The following ALKBH3 variants were observed in gnomAD, a reference collection of about 807,000 sequenced individuals.
ALKBH3 encodes alpha-ketoglutarate-dependent dioxygenase alkB homolog 3.
In ALKBH3, 51 loss-of-function variants were observed where a neutral mutation model predicts 43.9. The observed-to-expected ratio is 1.16, with a 90% CI of 0.93 to 1.47. ALKBH3 has a LOEUF of 1.47. ALKBH3 is among the 40% of genes most tolerant of loss of function. ALKBH3 has a pLI of 0.00. For synonymous variants in ALKBH3, 102 were observed against 115.2 expected (o/e 0.89, Z 0.73); for missense variants, 361 against 351.9 (o/e 1.03, Z -0.21).
chr11:43,898,502 T>C (rs1448422978), intron 7 of ALKBH3: 3 of 941,666 alleles, frequency 3.2e-6, no homozygotes, highest in Non-Finnish European at 5.2e-6. Flanking sequence ...GTGAGAGCAC[T>C]CGGGGAGGAA....
At chr11:43,919,471 T>A in intron 9 of ALKBH3, 2 of 313,798 alleles carry the variant, frequency 6.4e-6, no homozygotes, top group South Asian at 5.3e-5. Context: ...TAAATTTAAA[T>A]AGCTTCAGGG....
chr11:43,892,383 C>T (rs1317727094), intron 7 of ALKBH3, among the ~76,000 whole-genome samples: 1 of 152,166 alleles, frequency 6.6e-6, no homozygotes, highest in African/African-American at 2.4e-5. Context: ...CCTAATATCC[C>T]TCTTTCCCAA....
At chr11:43,918,990 C>T (rs778634806) in intron 8 of ALKBH3, 48 bp from the exon 9 acceptor site, 1 of 1,482,664 alleles carries the variant, frequency 6.7e-7, no homozygotes, top group Non-Finnish European at 9.4e-7. Context: ...TCTGTTGCAT[C>T]TTGATTACAC....
At chr11:43,906,016 TC>T (rs1421977287) in intron 8 of ALKBH3, among the ~76,000 whole-genome samples, 1 of 152,232 alleles carries the variant, frequency 6.6e-6, no homozygotes, top group Non-Finnish European at 1.5e-5. Flanking sequence ...GCCTTGTTTT[TC>T]TAGCAAATTA....
intron 5 of ALKBH3, among the ~76,000 whole-genome samples, chr11:43,888,314 G>C (rs61883986): frequency 7.6e-5 from 2 of 26,292 alleles, no homozygotes; most frequent in Non-Finnish European, 2.4e-4. Context: ...TGTTGCCCAG[G>C]CTGGCCTTGA....
At chr11:43,901,457 G>T in intron 7 of ALKBH3, 59 bp from the exon 8 acceptor site, 2 of 1,590,052 alleles carry the variant, frequency 1.3e-6, no homozygotes, top group Non-Finnish European at 1.7e-6. Flanking sequence ...TTTTCCATGC[G>T]GCTGTCATTT....
intron 8 of ALKBH3, among the ~76,000 whole-genome samples, chr11:43,916,082 A>C: frequency 6.6e-6 from 1 of 152,352 alleles, no homozygotes; most frequent in South Asian, 2.1e-4. Flanking sequence ...AATTTCTAAG[A>C]CATTCTTTTA....
chr11:43,899,075 T>G, intron 7 of ALKBH3: 2 of 751,332 alleles, frequency 2.7e-6, no homozygotes, highest in East Asian at 2.5e-5. Context: ...CAGTCACCAC[T>G]TGGAATTTTG....
chr11:43,903,010 GGTGT>G lies in ALKBH3; in HGVS notation c.669+1288_669+1291del, dbSNP rs1448367273. 2.6e-5 allele frequency among the ~76,000 whole-genome samples: 4 copies of G among 152,238 alleles called. No individual in the cohort carries two copies. The East Asian group carries it at 7.7e-4, about 29-fold the overall frequency. On this transcript the variant is annotated intron_variant, in intron 8 of 9. Transcript: ENST00000302708. ...CAGTTAACAGACTGAGTGTTTTCCT[GGTGT>G]GTATTGGGTTTCCATGCATGGTATT... is the stretch of plus-strand genomic sequence containing the variant.
intron 8 of ALKBH3, among the ~76,000 whole-genome samples, chr11:43,915,622 T>A (rs1951977800): frequency 6.6e-6 from 1 of 151,222 alleles, no homozygotes; most frequent in Admixed American, 6.6e-5. Context: ...TAATGCCTGA[T>A]ATATACAGGT....
chr11:43,881,673 G>A (rs1263415108), intron 1 of ALKBH3, among the ~76,000 whole-genome samples: 4 of 152,202 alleles, frequency 2.6e-5, no homozygotes, highest in African/African-American at 9.6e-5. Flanking sequence ...AGATTCCTGG[G>A]CCTGGCTCAG....
chr11:43,912,533 C>T (rs968972137), intron 8 of ALKBH3: 7 of 152,136 alleles, frequency 4.6e-5, no homozygotes, highest in Non-Finnish European at 8.8e-5. Context: ...CCTTTCTGCT[C>T]ATTTGTGTTT....
At chr11:43,908,007 G>A (rs1951908190) in intron 8 of ALKBH3, among the ~76,000 whole-genome samples, 1 of 152,190 alleles carries the variant, frequency 6.6e-6, no homozygotes, top group Admixed American at 6.5e-5. Flanking sequence ...AGGAGAAAAA[G>A]GGATGATTCA....
At position 43,913,334 on chromosome 11, in the gene ALKBH3, G is replaced by A. The variant is rs780591283; in HGVS notation, c.670-5704G>A. On this transcript the variant is annotated intron_variant, in intron 8 of 9. Transcript: ENST00000302708. ...ATAGTACCCGATAGGTAGTTTTTCC[G>A]TCCTCACCCCCGTCCCGTCCTCCAC... Among the ~76,000 whole-genome samples, 46 of 152,022 alleles carry A rather than the reference G, an allele frequency of 3.0e-4. 1 individual carries two copies. Among genetic ancestry groups the A allele is most frequent in the African/African-American group, 8.9e-4 (37 of 41,454 alleles).
chr11:43,900,214 A>AAAT lies in ALKBH3; in HGVS notation c.460-1301_460-1300insATA, dbSNP rs1554976912. Among the ~76,000 whole-genome samples the AAAT allele has an allele frequency of 9.5e-5, 7 of 73,706 alleles. No individual in the cohort carries two copies. The Admixed American group carries it at 1.3e-3, about 14-fold the overall frequency. The allele number at this position is 73,706 out of a possible 152,430, so 48.4% of individuals were successfully genotyped here. A position where few individuals can be genotyped will look rare whatever the true frequency, so the allele number is the denominator to read the frequency against. On this transcript the variant is annotated intron_variant, in intron 7 of 9. Transcript: ENST00000302708. ...GATTGCATTTTTTTTATTTTAATTT[A>AAAT]ATTTTTTTTTTTTTTTTTTTTTTTT...
chr11:43,898,499 C>A, intron 7 of ALKBH3: 1 of 943,026 alleles, frequency 1.1e-6, no homozygotes. Context: ...TTGGTGAGAG[C>A]ACTCGGGGAG....
At chr11:43,898,956 G>C in intron 7 of ALKBH3, 1 of 750,028 alleles carries the variant, frequency 1.3e-6, no homozygotes, top group Non-Finnish European at 2.5e-6. Flanking sequence ...GACCATGGAG[G>C]AGCTGGAGAA....
At chr11:43,919,897 G>A (rs754921383) in intron 9 of ALKBH3, 21 bp from the exon 10 acceptor site, 1 of 1,600,050 alleles carries the variant, frequency 6.2e-7, no homozygotes, top group Admixed American at 1.7e-5. Context: ...TTATGTCAGA[G>A]TTATGTGTAT....
chr11:43,883,749 CTGCTAGGAAAATTTATTCTATT>C (rs1951729749), intron 3 of ALKBH3, among the ~76,000 whole-genome samples: 1 of 152,098 alleles, frequency 6.6e-6, no homozygotes, highest in East Asian at 1.9e-4. Flanking sequence ...GAGCTGCTGG[CTGCTAGGAAAATTTATTCTATT>C]AATAATTGTA....
Sources: gnomAD v4.1 joint callset for allele counts (sites outside exome capture counted in the v4.1 genomes callset) on GRCh38, gnomAD v4.1.1 for gene constraint, MANE v1.5 for transcripts, NCBI Gene and HGNC (gene_info 2026-07-23, HGNC 2026-07-21) for gene names.